FRMD6: variants seen among roughly 807,000 people sequenced by gnomAD.
The protein encoded by FRMD6 is FERM domain-containing protein 6.
Under a neutral mutation model 73.2 loss-of-function variants are expected in FRMD6, and 37 were observed. That is an observed-to-expected ratio of 0.51 (90% CI 0.39 to 0.66). FRMD6 has a LOEUF of 0.66. FRMD6 is among the 30% of genes least tolerant of loss of function. The pLI is 0.00. For missense variants in FRMD6, 714 were observed against 780.5 expected (o/e 0.91, Z 1.02); for synonymous variants, 273 against 282.2 (o/e 0.97, Z 0.33).
At chr14:51,694,334 T>C (rs1437501055) in intron 2 of FRMD6, among the ~76,000 whole-genome samples, 1 of 152,176 alleles carries the variant, frequency 6.6e-6, no homozygotes, top group African/African-American at 2.4e-5. Flanking sequence ...GAGTATATTT[T>C]AAACATTCCT....
At chr14:51,465,638 G>T in the FRMD6 span, among the ~76,000 whole-genome samples, 1 of 152,192 alleles carries the variant, frequency 6.6e-6, no homozygotes, top group South Asian at 2.1e-4. Flanking sequence ...TCAAGAGTTT[G>T]TTCCTTTTTG....
chr14:51,415,844 C>T, the FRMD6 span, among the ~76,000 whole-genome samples: 74 of 152,294 alleles, frequency 4.9e-4, no homozygotes, highest in African/African-American at 1.7e-3. Flanking sequence ...TGTTATTGGT[C>T]TATTCAGAGA....
intron 2 of FRMD6, among the ~76,000 whole-genome samples, chr14:51,629,877 A>G (rs753440158): frequency 3.3e-4 from 50 of 152,322 alleles, no homozygotes; most frequent in Middle Eastern, 3.4e-3. Context: ...GTTTCCTTCC[A>G]GCTCTAAAAC....
chr14:51,701,312 G>GTA (rs915558631), intron 4 of FRMD6, among the ~76,000 whole-genome samples, 153 bp downstream of exon 4: 123 of 143,860 alleles, frequency 8.5e-4, no homozygotes, highest in African/African-American at 1.9e-3. Flanking sequence ...TATATGTATA[G>GTA]TATATATATA....
chr14:51,509,794 T>A (rs1884191436), intron 1 of FRMD6, among the ~76,000 whole-genome samples: 2 of 151,932 alleles, frequency 1.3e-5, no homozygotes. Flanking sequence ...GCCCGGCTAA[T>A]TTTTGTATTT....
chr14:51,641,801 G>T (rs1891822788), intron 2 of FRMD6, among the ~76,000 whole-genome samples: 1 of 152,130 alleles, frequency 6.6e-6, no homozygotes, highest in South Asian at 2.1e-4. Flanking sequence ...AGGACGTTGA[G>T]CAGCATCCCT....
intron 1 of FRMD6, among the ~76,000 whole-genome samples, chr14:51,502,503 G>A (rs1423465907): frequency 3.3e-5 from 5 of 152,112 alleles, no homozygotes; most frequent in Non-Finnish European, 7.4e-5. Flanking sequence ...AAGATCATAT[G>A]ATTATAGGTG....
chr14:51,615,020 C>T (rs1454526657), intron 2 of FRMD6, among the ~76,000 whole-genome samples: 1 of 152,134 alleles, frequency 6.6e-6, no homozygotes, highest in Non-Finnish European at 1.5e-5. Context: ...TTGACTACTC[C>T]ACTGAAGGGG....
intron 2 of FRMD6, among the ~76,000 whole-genome samples, chr14:51,577,648 T>C (rs973058659): frequency 2.0e-5 from 3 of 152,184 alleles, no homozygotes; most frequent in Non-Finnish European, 4.4e-5. Context: ...TAACTCTGCA[T>C]GGAAAGTAGG....
At chr14:51,669,837 C>A (rs1423862548) in intron 1 of FRMD6, among the ~76,000 whole-genome samples, 2 of 149,916 alleles carry the variant, frequency 1.3e-5, no homozygotes, top group Non-Finnish European at 2.9e-5. Flanking sequence ...TTTCAGAGGG[C>A]AAAATTAAAA....
At chr14:51,628,528 G>A (rs35060689) in intron 2 of FRMD6, among the ~76,000 whole-genome samples, 4,863 of 151,932 alleles carry the variant, frequency 0.032, 114 homozygotes, top group Non-Finnish European at 0.053. Flanking sequence ...AAATGGCTTG[G>A]ATGTGATGGC....
intron 1 of FRMD6, among the ~76,000 whole-genome samples, chr14:51,520,156 G>A (rs1884865531): frequency 6.6e-6 from 1 of 152,136 alleles, no homozygotes; most frequent in African/African-American, 2.4e-5. Flanking sequence ...ATTTAAAAAT[G>A]GGCAAAAGAC....
At chr14:51,403,013 C>G in the FRMD6 span, among the ~76,000 whole-genome samples, 7 of 152,134 alleles carry the variant, frequency 4.6e-5, no homozygotes, top group Middle Eastern at 3.2e-3. Context: ...TTCCCAGAAT[C>G]CCTCTTCAAT....
chr14:51,662,629 C>G (rs1483583103), intron 1 of FRMD6, among the ~76,000 whole-genome samples: 1 of 152,150 alleles, frequency 6.6e-6, no homozygotes, highest in Non-Finnish European at 1.5e-5. Flanking sequence ...CCTCCTTATA[C>G]CATATACAAA....
At chr14:51,624,606 A>G (rs892838307) in intron 2 of FRMD6, among the ~76,000 whole-genome samples, 2 of 152,170 alleles carry the variant, frequency 1.3e-5, no homozygotes, top group Non-Finnish European at 2.9e-5. Context: ...TGGAATTTCT[A>G]TATCTAGCCC....
chr14:51,468,977 G>A, the FRMD6 span, among the ~76,000 whole-genome samples: 1 of 152,080 alleles, frequency 6.6e-6, no homozygotes, highest in African/African-American at 2.4e-5. Context: ...GTTTTGCTCT[G>A]TTGCCCAGGC....
intron 2 of FRMD6, among the ~76,000 whole-genome samples, chr14:51,646,363 T>C (rs1254467200): frequency 1.4e-5 from 2 of 146,162 alleles, no homozygotes; most frequent in African/African-American, 5.1e-5. Context: ...AGAACCTCAG[T>C]GGCCCAAGAC....
At chr14:51,551,905 A>G (rs1225517801) in intron 1 of FRMD6, among the ~76,000 whole-genome samples, 4 of 152,108 alleles carry the variant, frequency 2.6e-5, no homozygotes, top group Non-Finnish European at 5.9e-5. Context: ...TAACTATTCC[A>G]TGTTTTCAGA....
Position 51,704,780 on chromosome 14 carries a change from C to T in FRMD6, c.403C>T (p.His135Tyr), listed in dbSNP as rs769390908. 9 of 1,612,774 alleles carry T rather than the reference C, an allele frequency of 5.6e-6. No homozygotes were observed. Among genetic ancestry groups the T allele is most frequent in the South Asian group, 1.1e-5 (1 of 91,002 alleles). ...AGCAGCAAGATACTATTATTACTGGCACCTGAGAAAACAAGTTCTTCATTC... is the reference window on the plus strand; with the variant it reads ...AGCAGCAAGATACTATTATTACTGGTACCTGAGAAAACAAGTTCTTCATTC... ...DRAARYYYYW[H>Y]LRKQVLHSQC... The change falls in exon 6 of 14, where the codon CAC (histidine) becomes TAC (tyrosine). Residue 135 changes from histidine to tyrosine, a missense_variant. Coordinates refer to ENST00000344768, the MANE Select transcript of FRMD6 (RefSeq NM_001267046.2).
Sources: gnomAD v4.1 joint callset for allele counts (sites outside exome capture counted in the v4.1 genomes callset) on GRCh38, gnomAD v4.1.1 for gene constraint, MANE v1.5 for transcripts, NCBI Gene and HGNC (gene_info 2026-07-23, HGNC 2026-07-21) for gene names.